GAS7: variants seen among roughly 807,000 people sequenced by gnomAD.
The protein encoded by GAS7 is growth arrest-specific protein 7.
Under a neutral mutation model 71.1 loss-of-function variants are expected in GAS7, and 28 were observed. The ratio of observed to expected loss-of-function variants is 0.39; its 90% CI spans 0.29 to 0.54. The LOEUF is 0.54. GAS7 is among the 20% of genes least tolerant of loss of function. The probability of loss-of-function intolerance (pLI) is 0.62; values close to 1 mark genes in which losing one functional copy is unlikely to be tolerated. For synonymous variants in GAS7, 258 were observed against 245.8 expected, an observed-to-expected ratio of 1.05 and a Z score of -0.46; for missense variants, 436 against 627.8, an observed-to-expected ratio of 0.69 and a Z score of 3.27.
At chr17:10,156,934 A>G (rs1482033690) in intron 1 of GAS7, among the ~76,000 whole-genome samples, 1 of 152,138 alleles carries the variant, frequency 6.6e-6, no homozygotes, top group Non-Finnish European at 1.5e-5. Context: ...GAGTTCAGAC[A>G]CAGCCACTGA....
At chr17:10,083,334 G>A (rs1243451948) in intron 1 of GAS7, among the ~76,000 whole-genome samples, 2 of 152,124 alleles carry the variant, frequency 1.3e-5, no homozygotes, top group African/African-American at 2.4e-5. Flanking sequence ...CAAGACCAGC[G>A]TGGCCAACAT....
intron 2 of GAS7, among the ~76,000 whole-genome samples, chr17:10,001,160 C>T (rs184211550): frequency 6.9e-4 from 105 of 152,122 alleles, no homozygotes; most frequent in Admixed American, 1.8e-3. Flanking sequence ...AAGATTCGAG[C>T]AGGAAAGAGG....
chr17:10,161,776 C>A (rs1440503047), intron 1 of GAS7, among the ~76,000 whole-genome samples: 1 of 152,164 alleles, frequency 6.6e-6, no homozygotes, highest in East Asian at 1.9e-4. Context: ...ACAAAAACGC[C>A]TTCCCAGGCC....
At chr17:9,998,161 G>A (rs1177758906) in intron 2 of GAS7, among the ~76,000 whole-genome samples, 1 of 152,170 alleles carries the variant, frequency 6.6e-6, no homozygotes, top group East Asian at 1.9e-4. Flanking sequence ...AGCTGCCTAG[G>A]GGATCCCAGA....
chr17:10,004,339 A>AGAATC (rs2071384980), intron 2 of GAS7, among the ~76,000 whole-genome samples: 2 of 152,192 alleles, frequency 1.3e-5, no homozygotes, highest in Non-Finnish European at 2.9e-5. Context: ...CTCACTTATT[A>AGAATC]GAATATAACC....
intron 1 of GAS7, among the ~76,000 whole-genome samples, chr17:10,136,548 C>T (rs1425584375): frequency 6.6e-6 from 1 of 152,194 alleles, no homozygotes; most frequent in Non-Finnish European, 1.5e-5. Flanking sequence ...CAAATCCAGA[C>T]AGCACCTCCT....
intron 1 of GAS7, among the ~76,000 whole-genome samples, chr17:10,079,727 G>A (rs1329846160): frequency 2.0e-5 from 3 of 152,086 alleles, no homozygotes; most frequent in Admixed American, 6.5e-5. Context: ...GACCACCTTG[G>A]CCACATGTTC....
chr17:10,108,272 G>A (rs1368901314), intron 1 of GAS7, among the ~76,000 whole-genome samples: 2 of 152,204 alleles, frequency 1.3e-5, no homozygotes, highest in Non-Finnish European at 2.9e-5. Context: ...AAAGGGCCTT[G>A]GTCCTCCATA....
chr17:10,045,458 A>G (rs2072937716), intron 1 of GAS7, among the ~76,000 whole-genome samples: 1 of 152,134 alleles, frequency 6.6e-6, no homozygotes, highest in Non-Finnish European at 1.5e-5. Context: ...GCATTTTGGG[A>G]GGCCGAGGCA....
chr17:10,109,168 G>C (rs1163505681), intron 1 of GAS7, among the ~76,000 whole-genome samples: 1 of 152,078 alleles, frequency 6.6e-6, no homozygotes, highest in African/African-American at 2.4e-5. Flanking sequence ...CCATTAAAAA[G>C]TAGGCAAAGG....
intron 3 of GAS7, among the ~76,000 whole-genome samples, chr17:9,979,124 G>C (rs2070316139): frequency 6.6e-6 from 1 of 152,194 alleles, no homozygotes; most frequent in African/African-American, 2.4e-5. Flanking sequence ...TTCAAACAAA[G>C]AAACAAAGCA....
intron 5 of GAS7, among the ~76,000 whole-genome samples, chr17:9,950,963 CCA>C (rs2068983270): frequency 6.6e-6 from 1 of 152,142 alleles, no homozygotes. Context: ...GAGTTTTCTC[CCA>C]GGCCTCAGCA....
At chr17:10,068,621 A>G (rs1190769779) in intron 1 of GAS7, among the ~76,000 whole-genome samples, 2 of 151,580 alleles carry the variant, frequency 1.3e-5, no homozygotes, top group Non-Finnish European at 2.9e-5. Flanking sequence ...AAAATTAGCC[A>G]GGCATGGTGG....
intron 1 of GAS7, among the ~76,000 whole-genome samples, chr17:10,124,819 G>A (rs2073932022): frequency 6.6e-6 from 1 of 152,166 alleles, no homozygotes; most frequent in African/African-American, 2.4e-5. Context: ...TCAGGAGGCT[G>A]AGGCAAGAGA....
intron 5 of GAS7, among the ~76,000 whole-genome samples, chr17:9,958,196 A>G (rs1322131439): frequency 1.3e-5 from 2 of 151,478 alleles, no homozygotes; most frequent in Non-Finnish European, 2.9e-5. Flanking sequence ...TATAACCGAC[A>G]CTCTGGCCTC....
At chr17:10,108,608 T>G (rs949291723) in intron 1 of GAS7, among the ~76,000 whole-genome samples, 1 of 152,164 alleles carries the variant, frequency 6.6e-6, no homozygotes, top group South Asian at 2.1e-4. Flanking sequence ...AGTAACCAGA[T>G]AGCATGACGT....
intron 1 of GAS7, among the ~76,000 whole-genome samples, chr17:10,115,829 A>G (rs1450006612): frequency 2.0e-5 from 3 of 152,160 alleles, no homozygotes; most frequent in Non-Finnish European, 1.5e-5. Flanking sequence ...GACAGATTCC[A>G]AAGCTCCAAT....
At chr17:10,114,720 A>T (rs1408221333) in intron 1 of GAS7, among the ~76,000 whole-genome samples, 7 of 150,282 alleles carry the variant, frequency 4.7e-5, no homozygotes, top group Non-Finnish European at 8.8e-5. Context: ...ACACACACAC[A>T]CACACACACA....
At chr17:10,074,437 T>C (rs1029681113) in intron 1 of GAS7, among the ~76,000 whole-genome samples, 4 of 152,124 alleles carry the variant, frequency 2.6e-5, no homozygotes, top group Admixed American at 2.6e-4. Context: ...CCTGGAAGGG[T>C]TTCACTTCGA....
Sources: gnomAD v4.1 joint callset for allele counts (sites outside exome capture counted in the v4.1 genomes callset) on GRCh38, gnomAD v4.1.1 for gene constraint, MANE v1.5 for transcripts, NCBI Gene and HGNC (gene_info 2026-07-23, HGNC 2026-07-21) for gene names.